Variants in ZNF559 observed in about 807,000 individuals in gnomAD.
The protein encoded by ZNF559 is putative protein product of Nbla00121.
In ZNF559, 17 loss-of-function variants were observed where a neutral mutation model predicts 14.2. That is an observed-to-expected ratio of 1.20 (90% CI 0.82 to 1.80). ZNF559 has a LOEUF of 1.80. ZNF559 is among the 40% of genes most tolerant of loss of function. The pLI is 0.00. For missense variants in ZNF559, 740 were observed against 629.7 expected, an observed-to-expected ratio of 1.18 and a Z score of -1.88; for synonymous variants, 244 against 212.4, an observed-to-expected ratio of 1.15 and a Z score of -1.29.
chr19:9,340,053 T>C (rs561183518), intron 5 of ZNF559, among the ~76,000 whole-genome samples: 37 of 150,468 alleles, frequency 2.5e-4, no homozygotes, highest in Non-Finnish European at 4.0e-4. Context: ...CCCAAAGTGC[T>C]CGGATTACGG....
chr19:9,328,550 A>T (rs1411193864), intron 2 of ZNF559, among the ~76,000 whole-genome samples: 2 of 151,340 alleles, frequency 1.3e-5, no homozygotes, highest in African/African-American at 2.4e-5. Flanking sequence ...ACGAGCTTTC[A>T]TCATGTTGGC....
At chr19:9,335,155 T>TAAAAAAAAA (rs1568362673) in intron 2 of ZNF559, among the ~76,000 whole-genome samples, 1,826 of 137,808 alleles carry the variant, frequency 0.013, 59 homozygotes, top group African/African-American at 0.049. Context: ...AAAAAAAAAT[T>TAAAAAAAAA]AGCTGGTCAT....
At chr19:9,338,020 A>G in intron 3 of ZNF559, 162 bp downstream of exon 3, 1 of 1,535,818 alleles carries the variant, frequency 6.5e-7, no homozygotes, top group Non-Finnish European at 8.7e-7. Context: ...CCTTTGTGGT[A>G]AGTCCGTATT....
intron 2 of ZNF559, among the ~76,000 whole-genome samples, chr19:9,328,239 ATTTC>A (rs2066736383): frequency 1.4e-5 from 2 of 146,666 alleles, no homozygotes; most frequent in South Asian, 4.3e-4. Flanking sequence ...GTTTCTTTAT[ATTTC>A]TTTTTGTCCT....
At position 9,342,530 on chromosome 19, in the gene ZNF559, A is replaced by G. The variant is rs1568369152; in HGVS notation, c.1079A>G (p.Lys360Arg). 3 of 1,614,128 alleles carry G rather than the reference A, an allele frequency of 1.9e-6. No individual in the cohort carries two copies. The highest frequency in any genetic ancestry group is 2.5e-6 in the Non-Finnish European group (3 of 1,180,012). ...CCTTATGAATGTAAGGAATGTGGGA[A>G]AGCTTTTGCTAACTCTTCACATCTT... ...EKPYECKECG[K>R]AFANSSHLTV... Residue 360 changes from lysine (K) to arginine (R), a missense_variant, in exon 7 of 7, where the codon AAA (lysine) becomes AGA (arginine). Coordinates refer to ENST00000603380, the MANE Select transcript of ZNF559 (RefSeq NM_032497.3).
chr19:9,324,657 A>C (rs776225104), intron 1 of ZNF559, 38 bp from the exon 2 acceptor site: 4 of 1,303,780 alleles, frequency 3.1e-6, no homozygotes, highest in Non-Finnish European at 4.1e-6. Context: ...AAAAAAAAAA[A>C]AGTCTCCACA....
intron 2 of ZNF559, among the ~76,000 whole-genome samples, chr19:9,328,333 A>G (rs2066743370): frequency 7.8e-6 from 1 of 127,578 alleles, no homozygotes; most frequent in South Asian, 2.6e-4. Flanking sequence ...TTGACATACT[A>G]TTAGGCTTGT....
chr19:9,340,559 T>C (rs1271096975), intron 5 of ZNF559, among the ~76,000 whole-genome samples: 1 of 129,590 alleles, frequency 7.7e-6, no homozygotes, highest in African/African-American at 3.1e-5. Flanking sequence ...TTTTTCTCTC[T>C]CTGTCTCTAA....
chr19:9,340,327 A>G (rs1238305176), intron 5 of ZNF559, among the ~76,000 whole-genome samples: 3 of 152,186 alleles, frequency 2.0e-5, no homozygotes, highest in South Asian at 4.1e-4. Context: ...GGAGAATATC[A>G]AGGCCAATTG....
intron 2 of ZNF559, among the ~76,000 whole-genome samples, chr19:9,333,423 C>T (rs1395484067): frequency 6.6e-6 from 1 of 152,188 alleles, no homozygotes; most frequent in Non-Finnish European, 1.5e-5. Context: ...CCAAAGGAAG[C>T]TAGGCGTAGT....
chr19:9,338,145 C>G (rs540650282), intron 3 of ZNF559: 52 of 813,624 alleles, frequency 6.4e-5, no homozygotes, highest in Non-Finnish European at 9.5e-5. Context: ...AAAGTAGATA[C>G]GAATATTCTG....
At position 9,345,636 on chromosome 19, in the gene ZNF559, CTTTA is replaced by C. The variant is rs1429389512; in HGVS notation, c.*2572_*2575del. 1.4e-5 allele frequency: 2 copies of C among 142,646 alleles called. No individual in the cohort carries two copies. Among genetic ancestry groups the C allele is most frequent in the Admixed American group, 7.3e-5 (1 of 13,760 alleles). The allele number at this position is 142,646 out of a possible 1,614,324, so 8.8% of individuals were successfully genotyped here. A position where few individuals can be genotyped will look rare whatever the true frequency, so the allele number is the denominator to read the frequency against. On this transcript the variant is annotated 3_prime_UTR_variant, in exon 7 of 7. Coordinates refer to ENST00000603380, the MANE Select transcript of ZNF559 (RefSeq NM_032497.3). Reference sequence around the variant, plus strand: ...CAAATCTTTTGCCTGTTTATATTGGCTTTATTTTTTATTTATTTTTATTTTTTTT... The same window carrying C: ...CAAATCTTTTGCCTGTTTATATTGGCTTTTTTATTTATTTTTATTTTTTTT...
chr19:9,338,464 G>A, intron 3 of ZNF559, 30 bp from the exon 4 acceptor site: 1 of 1,565,492 alleles, frequency 6.4e-7, no homozygotes, highest in Non-Finnish European at 8.8e-7. Flanking sequence ...CAGCAGCCTG[G>A]ATTCTCAGAT....
In ZNF559 at chr19:9,343,447, T is replaced by G. The variant is rs1024938994; in HGVS notation, c.*379T>G. 9.5e-7 allele frequency: 1 copy of G among 1,049,490 alleles called. No individual in the cohort carries two copies. The highest frequency in any genetic ancestry group is 3.5e-5 in the South Asian group (1 of 28,758). 65.0% of individuals were successfully genotyped at this position (1,049,490 alleles called of 1,614,324 possible). ...GGCCTTACTGAGCTTGTGAGCACAT[T>G]GGATATAAATGCACGTCCTCTGGCT... On this transcript the variant is annotated 3_prime_UTR_variant, in exon 7 of 7. Transcript: ENST00000603380.
In ZNF559 at chr19:9,339,253, G is replaced by T. The variant is rs2067407782; in HGVS notation, c.94G>T (p.Asp32Tyr). Residue 32 changes from aspartate (D) to tyrosine (Y), a missense_variant, in exon 5 of 7, where the codon GAT becomes TAT. Coordinates refer to ENST00000603380, the MANE Select transcript of ZNF559 (RefSeq NM_032497.3). Reference protein sequence around the residue: ...DFTQEEWTLLDQTQRNLYRDV... With the variant: ...DFTQEEWTLLYQTQRNLYRDV... ...CACCCAGGAGGAGTGGACTTTGCTG[G>T]ATCAAACTCAGAGAAACTTATACAG... 1 of 1,614,008 alleles carries T rather than the reference G, an allele frequency of 6.2e-7. No homozygotes were observed. Among genetic ancestry groups the T allele is most frequent in the African/African-American group, 1.3e-5 (1 of 75,026 alleles).
At position 9,342,184 on chromosome 19, in the gene ZNF559, G is replaced by A. The variant is rs1412917149; in HGVS notation, c.733G>A (p.Ala245Thr). 1 of 1,607,398 alleles carries A rather than the reference G, an allele frequency of 6.2e-7. No individual in the cohort carries two copies. Among genetic ancestry groups the A allele is most frequent in the Non-Finnish European group, 8.5e-7 (1 of 1,177,994 alleles). Residue 245 changes from alanine (A) to threonine (T), a missense_variant, in exon 7 of 7, where the codon GCA (alanine) becomes ACA (threonine). Physicochemically the swap from Ala to Thr is moderately conservative, Grantham distance 58. Transcript: ENST00000603380. ...TGGAGAAAAATTCTATGAATGTAAA[G>A]CATGTGGGAAACCCTTCACTGAGTC... ...QDGEKFYECK[A>T]CGKPFTESSY... is the part of the protein sequence containing the mutation.
chr19:9,338,009 C>A (rs2067335923), intron 3 of ZNF559, 151 bp downstream of exon 3: 1 of 1,535,922 alleles, frequency 6.5e-7, no homozygotes, highest in Non-Finnish European at 8.7e-7. Flanking sequence ...ATTGGTCTTT[C>A]CCTTTGTGGT....
Position 9,324,204 on chromosome 19 carries a change from C to T in ZNF559, c.-230C>T, listed in dbSNP as rs1204264467. Reference sequence around the variant, plus strand: ...ATGCGCATAACGGCCGCCATCTTAACAGCGCGTTCCCGTTGGCGTCTGAGG... The same window carrying T: ...ATGCGCATAACGGCCGCCATCTTAATAGCGCGTTCCCGTTGGCGTCTGAGG... On this transcript the variant is annotated 5_prime_UTR_variant, in exon 1 of 7. Transcript: ENST00000603380. 3 of 1,533,992 alleles carry T rather than the reference C, an allele frequency of 2.0e-6. No homozygotes were observed. Among genetic ancestry groups the T allele is most frequent in the Admixed American group, 2.0e-5 (1 of 50,978 alleles).
chr19:9,341,217 C>T, intron 6 of ZNF559, 33 bp downstream of exon 6: 1 of 1,584,008 alleles, frequency 6.3e-7, no homozygotes, highest in South Asian at 1.1e-5. Context: ...TATTGTCTTC[C>T]ATGTTAGAGG....
Sources: gnomAD v4.1 joint callset for allele counts (sites outside exome capture counted in the v4.1 genomes callset) on GRCh38, gnomAD v4.1.1 for gene constraint, MANE v1.5 for transcripts, NCBI Gene and HGNC (gene_info 2026-07-23, HGNC 2026-07-21) for gene names.